The following NEB variants were observed in gnomAD, a reference collection of about 807,000 sequenced individuals.
The protein encoded by NEB is nemaline myopathy type 2.
NEB carries 512 observed loss-of-function variants against 952.2 expected under a neutral mutation model. The observed-to-expected ratio is 0.54, with a 90% CI of 0.50 to 0.58. The LOEUF (loss-of-function observed/expected upper bound fraction) is 0.58. Ranked by LOEUF, NEB falls within the 20% of genes least tolerant of loss-of-function variation. The probability of loss-of-function intolerance (pLI) is 0.00; values close to 1 mark genes in which losing one functional copy is unlikely to be tolerated. For synonymous variants in NEB, 2,900 were observed against 3,149.8 expected, an observed-to-expected ratio of 0.92 and a Z score of 2.66; for missense variants, 8,428 against 9,231.1, an observed-to-expected ratio of 0.91 and a Z score of 3.56.
At chr2:151,567,899 A>G (rs2096475748) in intron 113 of NEB, among the ~76,000 whole-genome samples, 172 bp downstream of exon 113, 1 of 152,196 alleles carries the variant, frequency 6.6e-6, no homozygotes, top group Non-Finnish European at 1.5e-5. Context: ...CTCAAAGCCC[A>G]TGGAAGAAAG....
chr2:151,513,548 C>T, intron 160 of NEB, 32 bp downstream of exon 160: 4 of 1,495,834 alleles, frequency 2.7e-6, no homozygotes, highest in Non-Finnish European at 3.7e-6. Flanking sequence ...AACTACTTTC[C>T]TGAAAGATTG....
At position 151,729,633 on chromosome 2, in the gene NEB, G is replaced by A. The variant is rs768163455; in HGVS notation, c.60C>T (p.Tyr20=). ...GCCTTACCTCTCCCGGCACCTCTTCGTAAACCACTTCTTCTGTGTAGTACT... is the reference window on the plus strand; with the variant it reads ...GCCTTACCTCTCCCGGCACCTCTTCATAAACCACTTCTTCTGTGTAGTACT... ...VVEYYTEEVV[Y]EEVPGETITK... Residue 20 remains tyrosine, a synonymous_variant, in exon 4 of 182, where the codon TAC becomes TAT. Transcript: ENST00000397345. The A allele has an allele frequency of 3.8e-5, 61 of 1,613,150 alleles. No individual in the cohort carries two copies. The highest frequency in any genetic ancestry group is 2.9e-4 in the African/African-American group (22 of 74,832).
At chr2:151,497,942 A>G (rs1260603227) in intron 170 of NEB, 6 of 1,445,772 alleles carry the variant, frequency 4.2e-6, no homozygotes, top group African/African-American at 1.4e-5. Flanking sequence ...AGAGTTATCC[A>G]TGTTATTTTT....
intron 159 of NEB, 40 bp from the exon 160 acceptor site, chr2:151,513,733 G>T: frequency 1.5e-6 from 2 of 1,322,690 alleles, no homozygotes; most frequent in Non-Finnish European, 2.1e-6. Flanking sequence ...GTACCTAAAT[G>T]CTACTACTAG....
intron 52 of NEB, among the ~76,000 whole-genome samples, chr2:151,652,196 C>A (rs934096918): frequency 3.3e-5 from 5 of 152,038 alleles, no homozygotes; most frequent in Admixed American, 3.3e-4. Context: ...AAAGAAATGA[C>A]CTGCCCTGAA....
At chr2:151,573,675 T>G (rs1010708601) in intron 107 of NEB, among the ~76,000 whole-genome samples, 1 of 152,228 alleles carries the variant, frequency 6.6e-6, no homozygotes, top group Non-Finnish European at 1.5e-5. Context: ...CATATTATTC[T>G]TTTGAAAGCA....
intron 107 of NEB, among the ~76,000 whole-genome samples, chr2:151,574,022 G>A (rs2096740682): frequency 1.3e-5 from 2 of 152,198 alleles, no homozygotes; most frequent in Non-Finnish European, 2.9e-5. Context: ...CGCCCACGCT[G>A]GAGTACAGTG....
rs1256890463 is a variant in NEB, at chr2:151,494,240, T to A, written c.24500A>T (p.Glu8167Val). 9 of 1,599,088 alleles carry A rather than the reference T, an allele frequency of 5.6e-6. No homozygotes were observed. The highest frequency in any genetic ancestry group is 7.7e-6 in the Non-Finnish European group (9 of 1,171,420). The change falls in exon 174 of 182, where the codon GAA becomes GTA. Residue 8167 changes from glutamate (E) to valine (V), a missense_variant. Physicochemically the swap from Glu to Val is moderately radical, Grantham distance 121. This residue lies in a region of NEB where 3,374 missense variants were observed against 3,651.5 expected (regional missense o/e 0.92). Coordinates refer to ENST00000397345, the MANE Select transcript of NEB (RefSeq NM_001164508.2). ...GGTTGCGGTGGCTTTCCCCACATTT[T>A]CTTTGTACAAAACCTATGGGAATCC... ...QENISSVLYK[E>V]NVGKATATPV... is the part of the protein sequence containing the mutation.
At chr2:151,698,763 G>C (rs1209781967) in intron 13 of NEB, among the ~76,000 whole-genome samples, 1 of 150,502 alleles carries the variant, frequency 6.6e-6, no homozygotes, top group Non-Finnish European at 1.5e-5. Flanking sequence ...TCAGCCTCCC[G>C]AGTAGCTGGG....
chr2:151,612,913 C>T (rs2098050525), intron 77 of NEB, among the ~76,000 whole-genome samples: 1 of 152,164 alleles, frequency 6.6e-6, no homozygotes, highest in Non-Finnish European at 1.5e-5. Context: ...GTACATCTCT[C>T]TTTACTCATA....
intron 124 of NEB, among the ~76,000 whole-genome samples, chr2:151,559,720 C>T (rs1352950623): frequency 2.0e-5 from 3 of 152,072 alleles, no homozygotes; most frequent in African/African-American, 4.8e-5. Flanking sequence ...TGTTCTCACT[C>T]GTAAGTGGGG....
chr2:151,701,786 A>T (rs1284153296), intron 13 of NEB, among the ~76,000 whole-genome samples: 1 of 150,222 alleles, frequency 6.7e-6, no homozygotes, highest in Non-Finnish European at 1.5e-5. Flanking sequence ...CTAGCAGTCT[A>T]TCTATTTTGT....
At chr2:151,704,336 AG>A (rs2099692873) in intron 13 of NEB, among the ~76,000 whole-genome samples, 1 of 138,928 alleles carries the variant, frequency 7.2e-6, no homozygotes, top group Non-Finnish European at 1.6e-5. Context: ...CTGCCCCCAG[AG>A]GTGGAGCCTA....
chr2:151,527,454 C>T lies in NEB; in HGVS notation c.21840+27G>A, dbSNP rs1312238902. On this transcript the variant is annotated intron_variant, in intron 147 of 181. Transcript: ENST00000397345. ...ATTTCTCAGGTGCAGTATGCAGTTA[C>T]AATCGTCTGTGTCTCTCCTGTCTTA... is the stretch of plus-strand genomic sequence containing the variant. 4 of 1,528,394 alleles carry T rather than the reference C, an allele frequency of 2.6e-6. No individual in the cohort carries two copies. In the South Asian group the frequency reaches 3.4e-5, roughly 13 times the overall value. The allele number at this position is 1,528,394 out of a possible 1,614,324, so 94.7% of individuals were successfully genotyped here.
At chr2:151,560,552 AGGGAGGGTGGG>A in intron 124 of NEB, 29 bp downstream of exon 124, 1 of 1,044,218 alleles carries the variant, frequency 9.6e-7, no homozygotes, top group Non-Finnish European at 1.2e-6. Context: ...AGGGGAGGGG[AGGGAGGGTGGG>A]AAAGCTGTCA....
At chr2:151,668,295 A>C (rs1223193657) in intron 39 of NEB, among the ~76,000 whole-genome samples, 1 of 152,168 alleles carries the variant, frequency 6.6e-6, no homozygotes, top group Non-Finnish European at 1.5e-5. Flanking sequence ...TTTCAAGCTT[A>C]TAGGAAGATA....
chr2:151,615,090 A>T (rs1037590859), intron 76 of NEB, among the ~76,000 whole-genome samples: 11 of 152,200 alleles, frequency 7.2e-5, no homozygotes, highest in African/African-American at 2.7e-4. Flanking sequence ...CAGCCTGTCA[A>T]CATCACTGAA....
intron 68 of NEB, among the ~76,000 whole-genome samples, chr2:151,628,769 G>A (rs918979522): frequency 1.3e-5 from 2 of 152,142 alleles, no homozygotes. Context: ...GGCTGAGGCA[G>A]GAGAATCACT....
At chr2:151,652,485 A>G (rs987334727) in intron 52 of NEB, among the ~76,000 whole-genome samples, 9 of 152,110 alleles carry the variant, frequency 5.9e-5, no homozygotes, top group Non-Finnish European at 1.2e-4. Context: ...TTGGCCTCCC[A>G]AAGTGCTGAG....
Sources: allele counts gnomAD v4.1 joint callset (sites outside exome capture counted in the v4.1 genomes callset), GRCh38; gene constraint gnomAD v4.1.1; regional missense constraint gnomAD v4.1.1; transcripts MANE v1.5; gene names NCBI Gene and HGNC (gene_info 2026-07-23, HGNC 2026-07-21).